Variants in FAM217B observed in about 807,000 individuals in gnomAD.
FAM217B encodes the protein family with sequence similarity 217 member B.
For missense variants in FAM217B, 463 were observed against 456.9 expected, an observed-to-expected ratio of 1.01 and a Z score of -0.12; for synonymous variants, 163 against 173.0, an observed-to-expected ratio of 0.94 and a Z score of 0.45.
chr20:59,943,608 G>A (rs1431822399), intron 3 of FAM217B, among the ~76,000 whole-genome samples: 1 of 148,266 alleles, frequency 6.7e-6, no homozygotes, highest in Admixed American at 6.7e-5. Flanking sequence ...CCAAACTAAT[G>A]TTTTTTTTTT....
intron 3 of FAM217B, 38 bp from the exon 4 acceptor site, chr20:59,943,902 T>C (rs1458154584): frequency 6.7e-7 from 1 of 1,497,352 alleles, no homozygotes; most frequent in East Asian, 2.3e-5. Context: ...CCATTTTTTG[T>C]CATATGTGGT....
intron 1 of FAM217B, among the ~76,000 whole-genome samples, chr20:59,941,146 T>G (rs775859638): frequency 2.6e-5 from 4 of 152,226 alleles, no homozygotes; most frequent in Non-Finnish European, 5.9e-5. Flanking sequence ...CCCACAGCCT[T>G]TGGTGTAAAG....
At chr20:59,939,437 G>A (rs763737797), upstream of FAM217B, 13 of 1,611,372 alleles carry the variant, frequency 8.1e-6, no homozygotes, top group African/African-American at 1.3e-5. Flanking sequence ...CAAAGTCGGC[G>A]GCCTCGACGG....
chr20:59,940,007 C>T (rs574276145), upstream of FAM217B: 16 of 1,171,502 alleles, frequency 1.4e-5, no homozygotes, highest in East Asian at 4.8e-4. Flanking sequence ...CCTCCGTGCT[C>T]AGAAGCCGCA....
At chr20:59,939,626 G>C (rs1465833207), upstream of FAM217B, 4 of 1,585,194 alleles carry the variant, frequency 2.5e-6, no homozygotes, top group African/African-American at 5.5e-5. Context: ...CGAAGCGCAC[G>C]CGGAGCTTCT....
In FAM217B at chr20:59,946,151, G is replaced by A. The variant is rs909897524; in HGVS notation, c.*1056G>A. ...GGGCGGGAGAGTGGAATATGAGTAA[G>A]GTTGCTGAATGAATTCTAAACTCGC... On this transcript the variant is annotated 3_prime_UTR_variant, in exon 4 of 4. Coordinates refer to ENST00000360816, the MANE Select transcript of FAM217B (RefSeq NM_022106.3). The A allele has an allele frequency of 1.6e-4, 27 of 167,028 alleles. No individual in the cohort carries two copies. The highest frequency in any genetic ancestry group is 6.3e-4 in the African/African-American group (26 of 41,428). 10.3% of individuals were successfully genotyped at this position (167,028 alleles called of 1,614,324 possible). A position where few individuals can be genotyped will look rare whatever the true frequency, so the allele number is the denominator to read the frequency against.
rs1404994373 is a variant in FAM217B, at chr20:59,944,222, T to G, written c.279T>G (p.Ser93Arg). ...KIIKENADEDSASDLSDSERI... is the reference protein window; with the variant it reads ...KIIKENADEDRASDLSDSERI... ...TTAAAGAGAATGCTGATGAGGACAG[T>G]GCAAGTGATCTCTCTGATTCGGAAA... The change falls in exon 4 of 4, where the codon AGT becomes AGG. Residue 93 changes from serine to arginine, a missense_variant. Physicochemically the swap from Ser to Arg is moderately radical, Grantham distance 110. Transcript: ENST00000360816. 1.2e-6 allele frequency: 2 copies of G among 1,614,182 alleles called. No individual in the cohort carries two copies. Among genetic ancestry groups the G allele is most frequent in the Non-Finnish European group, 1.7e-6 (2 of 1,180,030 alleles).
chr20:59,936,754 A>G (rs2060864780), upstream of FAM217B: 1 of 152,242 alleles, frequency 6.6e-6, no homozygotes, highest in Non-Finnish European at 1.5e-5. Flanking sequence ...TGATTTAGAC[A>G]AGAAGTTTCT....
Position 59,944,436 on chromosome 20 carries a change from G to A in FAM217B, c.493G>A (p.Glu165Lys), listed in dbSNP as rs780271888. The change falls in exon 4 of 4, where the codon GAG (glutamate) becomes AAG (lysine). Residue 165 changes from glutamate (E) to lysine (K), a missense_variant. Coordinates refer to ENST00000360816, the MANE Select transcript of FAM217B (RefSeq NM_022106.3). ...AGATATGGCCCTGCTTCTGAACGCA[G>A]AGAACAAAACGGAAGCCGTGCCCCG... ...LRDMALLLNA[E>K]NKTEAVPRVG... 1 of 1,613,954 alleles carries A rather than the reference G, an allele frequency of 6.2e-7. No homozygotes were observed. The highest frequency in any genetic ancestry group is 1.1e-5 in the South Asian group (1 of 91,074).
upstream of FAM217B, chr20:59,937,370 C>A (rs2060868366): frequency 6.6e-6 from 1 of 152,568 alleles, no homozygotes; most frequent in Non-Finnish European, 1.5e-5. Flanking sequence ...GTGCTAATAG[C>A]CAGAGATTGT....
upstream of FAM217B, chr20:59,938,397 T>C (rs1295664710): frequency 2.6e-5 from 4 of 152,246 alleles, no homozygotes; most frequent in Non-Finnish European, 2.9e-5. Flanking sequence ...GTGTGATGAC[T>C]GATAAAGCAG....
upstream of FAM217B, chr20:59,939,661 C>G (rs779891555): frequency 2.2e-5 from 32 of 1,481,182 alleles, no homozygotes; most frequent in Non-Finnish European, 2.7e-5. Flanking sequence ...CGACACGCAG[C>G]GCCCGGCGCG....
At chr20:59,936,824 C>G (rs563440143), upstream of FAM217B, 1 of 152,332 alleles carries the variant, frequency 6.6e-6, no homozygotes, top group African/African-American at 2.4e-5. Flanking sequence ...AATAGAATGG[C>G]TCACAACTGT....
At chr20:59,942,778 T>A (rs1014173202) in intron 3 of FAM217B, among the ~76,000 whole-genome samples, 6 of 152,150 alleles carry the variant, frequency 3.9e-5, no homozygotes, top group Non-Finnish European at 1.5e-5. Flanking sequence ...TCCTTTTATA[T>A]AAAAGGATAG....
At position 59,944,338 on chromosome 20, in the gene FAM217B, G is replaced by C; in HGVS notation, c.395G>C (p.Gly132Ala). ...IDPVYFDLHP[G>A]QGHTKPEYYY... is the part of the protein sequence containing the mutation. Reference sequence around the variant, plus strand: ...CCAGTTTACTTTGATCTTCACCCTGGTCAGGGCCATACAAAACCTGAATAC... The same window carrying C: ...CCAGTTTACTTTGATCTTCACCCTGCTCAGGGCCATACAAAACCTGAATAC... Residue 132 changes from glycine (G) to alanine (A), a missense_variant, in exon 4 of 4, where the codon GGT becomes GCT. Coordinates refer to ENST00000360816, the MANE Select transcript of FAM217B (RefSeq NM_022106.3). The C allele has an allele frequency of 6.2e-7, 1 of 1,613,896 alleles. No individual in the cohort carries two copies.
In FAM217B at chr20:59,944,540, A is replaced by G; in HGVS notation, c.597A>G (p.Glu199=). 6.2e-7 allele frequency: 1 copy of G among 1,614,110 alleles called. No individual in the cohort carries two copies. The highest frequency in any genetic ancestry group is 8.5e-7 in the Non-Finnish European group (1 of 1,180,028). Residue 199 remains glutamate, a synonymous_variant, in exon 4 of 4, where the codon GAA becomes GAG. Coordinates refer to ENST00000360816, the MANE Select transcript of FAM217B (RefSeq NM_022106.3). Reference sequence around the variant, plus strand: ...TGCAAGTCCAGACTGTACAGTGTGAAAAAGCAAAGGGGGGCAAAGCAAGGC... The same window carrying G: ...TGCAAGTCCAGACTGTACAGTGTGAGAAAGCAAAGGGGGGCAAAGCAAGGC... ...EWLQVQTVQC[E]KAKGGKARPP...
upstream of FAM217B, chr20:59,939,202 G>GC: frequency 1.2e-6 from 2 of 1,610,116 alleles, no homozygotes; most frequent in Non-Finnish European, 1.7e-6. Flanking sequence ...AGCAGGAAGG[G>GC]CGGTACTGGA....
intron 1 of FAM217B, among the ~76,000 whole-genome samples, chr20:59,934,459 C>A (rs991051001): frequency 2.0e-5 from 3 of 152,154 alleles, no homozygotes; most frequent in African/African-American, 7.2e-5. Flanking sequence ...TCCCCGTGCT[C>A]GCGTTCTGAG....
In FAM217B at chr20:59,947,770, G is replaced by A. The variant is rs2060945671; in HGVS notation, c.*2675G>A. ...TAGGTCTATTACAGAATTAACATAA[G>A]CACAATTTTAATTTTATGATATCTG... On this transcript the variant is annotated 3_prime_UTR_variant, in exon 4 of 4. Coordinates refer to ENST00000360816, the MANE Select transcript of FAM217B (RefSeq NM_022106.3). 1 of 166,938 alleles carries A rather than the reference G, an allele frequency of 6.0e-6. No individual in the cohort carries two copies. 10.3% of individuals were successfully genotyped at this position (166,938 alleles called of 1,614,324 possible).
Sources: gnomAD v4.1 joint callset for allele counts (sites outside exome capture counted in the v4.1 genomes callset) on GRCh38, gnomAD v4.1.1 for gene constraint, MANE v1.5 for transcripts, NCBI Gene and HGNC (gene_info 2026-07-23, HGNC 2026-07-21) for gene names.